The following ACMSD variants were observed in gnomAD, a reference collection of about 807,000 sequenced individuals.
The protein encoded by ACMSD is 2-amino-3-carboxymuconate-6-semialdehyde decarboxylase.
ACMSD carries 37 observed loss-of-function variants against 45.9 expected under a neutral mutation model. The observed-to-expected ratio is 0.81, with a 90% confidence interval of 0.62 to 1.06. The LOEUF (loss-of-function observed/expected upper bound fraction) is 1.06, where lower values mean the gene tolerates loss of function less well. Ranked by LOEUF, ACMSD falls within the 50% of genes least tolerant of loss-of-function variation. The pLI, the probability that ACMSD is intolerant of heterozygous loss-of-function variation, is 0.00. For missense variants in ACMSD, 434 were observed against 420.9 expected (o/e 1.03, Z -0.27); for synonymous variants, 138 against 148.8 (o/e 0.93, Z 0.53).
At chr2:134,869,972 C>A (rs896650601) in intron 6 of ACMSD, among the ~76,000 whole-genome samples, 5 of 152,230 alleles carry the variant, frequency 3.3e-5, no homozygotes, top group African/African-American at 1.2e-4. Context: ...CCACAAACTG[C>A]TTCCAGATGG....
chr2:134,864,217 C>G (rs946315881), intron 5 of ACMSD, among the ~76,000 whole-genome samples: 2 of 147,736 alleles, frequency 1.4e-5, no homozygotes, highest in Admixed American at 6.9e-5. Context: ...TGCAGTGAGC[C>G]AAGACTGTGC....
At chr2:134,861,681 A>C (rs553094717) in intron 3 of ACMSD, among the ~76,000 whole-genome samples, 3 of 152,180 alleles carry the variant, frequency 2.0e-5, no homozygotes, top group Non-Finnish European at 4.4e-5. Flanking sequence ...AGCCTGAAAA[A>C]GTCTTGCTTA....
At chr2:134,863,027 C>T in intron 4 of ACMSD, 1 of 984,770 alleles carries the variant, frequency 1.0e-6, no homozygotes, top group Non-Finnish European at 1.2e-6. Flanking sequence ...TGGCCTGGGG[C>T]CCTTGGCCAG....
chr2:134,891,562 C>T, intron 8 of ACMSD, among the ~76,000 whole-genome samples: 1 of 151,978 alleles, frequency 6.6e-6, no homozygotes, highest in East Asian at 1.9e-4. Flanking sequence ...ATCTGAATGG[C>T]TATTATTAAA....
intron 1 of ACMSD, among the ~76,000 whole-genome samples, chr2:134,843,710 C>G (rs911901401): frequency 9.2e-5 from 14 of 152,226 alleles, no homozygotes; most frequent in Non-Finnish European, 1.8e-4. Context: ...CAACTCAGAG[C>G]CATTAAGGAG....
intron 8 of ACMSD, among the ~76,000 whole-genome samples, chr2:134,882,972 G>A (rs965156981): frequency 2.6e-5 from 4 of 152,182 alleles, no homozygotes; most frequent in African/African-American, 9.7e-5. Flanking sequence ...GTGTGCAGCT[G>A]CTGGCTTTGG....
At chr2:134,843,613 A>G (rs1014649530) in intron 1 of ACMSD, among the ~76,000 whole-genome samples, 2 of 151,912 alleles carry the variant, frequency 1.3e-5, no homozygotes, top group African/African-American at 4.8e-5. Context: ...ATGAGAACCA[A>G]CTGCTGTACC....
chr2:134,899,434 C>T (rs918670377), intron 9 of ACMSD, among the ~76,000 whole-genome samples: 5 of 152,028 alleles, frequency 3.3e-5, no homozygotes, highest in Non-Finnish European at 5.9e-5. Flanking sequence ...TAAATATTTA[C>T]CCACTTCCTT....
In ACMSD at chr2:134,901,846, A is replaced by G. The variant is rs1467918333; in HGVS notation, c.997A>G (p.Lys333Glu). The change falls in exon 10 of 10, where the codon AAA becomes GAA. Residue 333 changes from lysine (K) to glutamate (E), a missense_variant. Physicochemically the swap from Lys to Glu is moderately conservative, Grantham distance 56. Transcript: ENST00000356140. ...CCTGGCATTTTTGGGTCTTGAGAGA[A>G]AACAATTTGAATGACTGAATTTACT... ...NALAFLGLER[K>E]QFE 6.2e-7 allele frequency: 1 copy of G among 1,600,402 alleles called. No homozygotes were observed. The highest frequency in any genetic ancestry group is 8.5e-7 in the Non-Finnish European group (1 of 1,171,414).
intron 8 of ACMSD, among the ~76,000 whole-genome samples, chr2:134,876,574 C>T (rs187589001): frequency 4.6e-5 from 7 of 152,308 alleles, no homozygotes; most frequent in African/African-American, 1.7e-4. Context: ...AATAACACAG[C>T]TGGAGCTGTC....
chr2:134,851,263 A>G (rs1299834569), intron 2 of ACMSD, among the ~76,000 whole-genome samples: 2 of 152,196 alleles, frequency 1.3e-5, no homozygotes, highest in Non-Finnish European at 1.5e-5. Flanking sequence ...TAGTGCTGTA[A>G]TGAACATACA....
intron 5 of ACMSD, among the ~76,000 whole-genome samples, chr2:134,864,852 T>C (rs1394289492): frequency 2.0e-5 from 3 of 152,198 alleles, no homozygotes; most frequent in Non-Finnish European, 4.4e-5. Flanking sequence ...TCCACAGTCA[T>C]CTCCATCAGT....
At chr2:134,848,837 A>G (rs953674673) in intron 2 of ACMSD, among the ~76,000 whole-genome samples, 28 of 152,178 alleles carry the variant, frequency 1.8e-4, no homozygotes, top group Non-Finnish European at 1.3e-4. Flanking sequence ...GTCTTTGCCC[A>G]TGCCTATGTC....
At chr2:134,887,860 C>T (rs1307267267) in intron 8 of ACMSD, among the ~76,000 whole-genome samples, 1 of 152,054 alleles carries the variant, frequency 6.6e-6, no homozygotes, top group African/African-American at 2.4e-5. Context: ...CAGCCATACA[C>T]AAAACTTAAT....
intron 9 of ACMSD, among the ~76,000 whole-genome samples, chr2:134,900,077 T>C (rs894006508): frequency 1.3e-5 from 2 of 152,104 alleles, no homozygotes; most frequent in African/African-American, 2.4e-5. Context: ...CGAAGGTAAA[T>C]ACCACTAAAG....
chr2:134,861,626 AGGTG>A (rs1480300000), intron 3 of ACMSD, among the ~76,000 whole-genome samples: 2 of 152,212 alleles, frequency 1.3e-5, no homozygotes, highest in Admixed American at 1.3e-4. Context: ...GGGGCAGGGA[AGGTG>A]GCTGAGAGAC....
At chr2:134,856,648 G>A (rs1047166655) in intron 2 of ACMSD, among the ~76,000 whole-genome samples, 3 of 151,838 alleles carry the variant, frequency 2.0e-5, no homozygotes, top group Non-Finnish European at 4.4e-5. Flanking sequence ...TGTCTTTTCA[G>A]GTCCTTTGCC....
chr2:134,866,281 A>C (rs956750699), intron 5 of ACMSD, among the ~76,000 whole-genome samples: 2 of 152,166 alleles, frequency 1.3e-5, no homozygotes, highest in Non-Finnish European at 2.9e-5. Flanking sequence ...AAGTTAACAA[A>C]AAAATAAAAA....
chr2:134,840,180 A>AAAAAAAAAAC (rs1686726163), intron 1 of ACMSD, among the ~76,000 whole-genome samples: 1 of 140,042 alleles, frequency 7.1e-6, no homozygotes, highest in Non-Finnish European at 1.5e-5. Context: ...AAAAAAAAAA[A>AAAAAAAAAAC]AAAAAAAAAA....
Sources: allele counts gnomAD v4.1 joint callset (sites outside exome capture counted in the v4.1 genomes callset), GRCh38; gene constraint gnomAD v4.1.1; transcripts MANE v1.5; gene names NCBI Gene and HGNC (gene_info 2026-07-23, HGNC 2026-07-21).